Variants in ZNF362 observed in about 807,000 individuals in gnomAD.
The protein encoded by ZNF362 is zinc finger protein 362, also known as rotund homolog.
Under a neutral mutation model 42.9 loss-of-function variants are expected in ZNF362, and 11 were observed. The observed-to-expected ratio is 0.26, with a 90% CI of 0.16 to 0.42. ZNF362 has a LOEUF of 0.42. Ranked by LOEUF, ZNF362 falls within the 20% of genes least tolerant of loss-of-function variation. The pLI, the probability that ZNF362 is intolerant of heterozygous loss-of-function variation, is 1.00. For missense variants in ZNF362, 362 were observed against 576.2 expected, an observed-to-expected ratio of 0.63 and a Z score of 3.81; for synonymous variants, 255 against 257.3, an observed-to-expected ratio of 0.99 and a Z score of 0.09.
At chr1:33,289,864 T>G (rs1436325294) in intron 6 of ZNF362, among the ~76,000 whole-genome samples, 1 of 152,058 alleles carries the variant, frequency 6.6e-6, no homozygotes, top group Non-Finnish European at 1.5e-5. Flanking sequence ...GCCGATGTCT[T>G]TGTTTCCTGC....
At chr1:33,195,172 CA>C in the ZNF362 span, 1 of 152,184 alleles carries the variant, frequency 6.6e-6, no homozygotes, top group African/African-American at 2.4e-5. Flanking sequence ...ACAAATTCTA[CA>C]TTCAGTTAAC....
chr1:33,165,458 C>A, the ZNF362 span: 1 of 1,580,924 alleles, frequency 6.3e-7, no homozygotes, highest in Non-Finnish European at 8.6e-7. This position sits in a 1 kb window ranked among gnomAD's most constrained non-coding sequence, Gnocchi z 4.0. Context: ...CTCCGCGCCC[C>A]GGCCAGGCTC....
intron 1 of ZNF362, among the ~76,000 whole-genome samples, chr1:33,261,919 A>G (rs1645830384): frequency 6.6e-6 from 1 of 152,192 alleles, no homozygotes; most frequent in Non-Finnish European, 1.5e-5. Context: ...TCAATGGGAC[A>G]GTTACTTCTT....
At chr1:33,270,985 T>C (rs1400180784) in intron 2 of ZNF362, among the ~76,000 whole-genome samples, 4 of 152,156 alleles carry the variant, frequency 2.6e-5, no homozygotes, top group Non-Finnish European at 5.9e-5. Flanking sequence ...GCCTCCAGCT[T>C]CAGGCCTCTT....
the ZNF362 span, among the ~76,000 whole-genome samples, chr1:33,178,717 A>G: frequency 1.0e-3 from 153 of 152,390 alleles, 2 homozygotes; most frequent in East Asian, 0.026. Context: ...CAGTGCCCAC[A>G]GCAGGTTTGG....
chr1:33,213,656 C>T, the ZNF362 span, among the ~76,000 whole-genome samples: 1 of 151,998 alleles, frequency 6.6e-6, no homozygotes, highest in Non-Finnish European at 1.5e-5. Context: ...ACCATCCTGG[C>T]CAACATGGTG....
chr1:33,150,260 A>T, the ZNF362 span, among the ~76,000 whole-genome samples: 1 of 152,194 alleles, frequency 6.6e-6, no homozygotes, highest in Admixed American at 6.5e-5. Flanking sequence ...TTACTGGCGA[A>T]GTGGGGACAT....
At chr1:33,209,792 C>T in the ZNF362 span, among the ~76,000 whole-genome samples, 1 of 152,138 alleles carries the variant, frequency 6.6e-6, no homozygotes, top group South Asian at 2.1e-4. Context: ...TTTTTTATTG[C>T]ATCTATTTGA....
At chr1:33,173,037 C>T in the ZNF362 span, among the ~76,000 whole-genome samples, 1 of 152,200 alleles carries the variant, frequency 6.6e-6, no homozygotes, top group Non-Finnish European at 1.5e-5. Context: ...CTCTCTTTCC[C>T]TCTCTGACCC....
chr1:33,175,031 T>TATGTATATGTATATGTATATGTA, the ZNF362 span, among the ~76,000 whole-genome samples: 1,675 of 147,130 alleles, frequency 0.011, 37 homozygotes, highest in African/African-American at 0.029. Context: ...ATGTATATGT[T>TATGTATATGTATATGTATATGTA]TATGTATATG....
chr1:33,250,838 GA>G, the ZNF362 span, among the ~76,000 whole-genome samples: 1 of 141,614 alleles, frequency 7.1e-6, no homozygotes, highest in South Asian at 2.3e-4. Context: ...AAAAGAAGAA[GA>G]AAGAAGAAAG....
At chr1:33,259,843 A>G (rs558652832) in intron 1 of ZNF362, among the ~76,000 whole-genome samples, 3 of 152,298 alleles carry the variant, frequency 2.0e-5, no homozygotes, top group African/African-American at 7.2e-5. Flanking sequence ...AGTTCCATAA[A>G]CCATCACAGT....
the ZNF362 span, among the ~76,000 whole-genome samples, chr1:33,185,794 G>A: frequency 2.8e-4 from 42 of 151,858 alleles, 1 homozygote; most frequent in Non-Finnish European, 4.6e-4. Context: ...AGCTATCCAA[G>A]AGCTATTGTT....
At chr1:33,262,980 C>T (rs1438696393) in intron 1 of ZNF362, among the ~76,000 whole-genome samples, 4 of 152,248 alleles carry the variant, frequency 2.6e-5, no homozygotes, top group East Asian at 1.9e-4. Context: ...GTGCACTCTC[C>T]TGGGAAACAG....
At chr1:33,236,550 A>AAAAAATATATATATAT in the ZNF362 span, among the ~76,000 whole-genome samples, 6 of 5,980 alleles carry the variant, frequency 1.0e-3, no homozygotes, top group Non-Finnish European at 1.5e-3. Context: ...AAAAAAAAAA[A>AAAAAATATATATATAT]ATATATATAT....
At chr1:33,168,603 C>T in the ZNF362 span, among the ~76,000 whole-genome samples, 1 of 152,250 alleles carries the variant, frequency 6.6e-6, no homozygotes, top group South Asian at 2.1e-4. Flanking sequence ...CGCACCCCAT[C>T]TGACTGCAGC....
chr1:33,193,004 C>CATATATATATATAT, the ZNF362 span, among the ~76,000 whole-genome samples: 1 of 137,200 alleles, frequency 7.3e-6, no homozygotes, highest in Non-Finnish European at 1.6e-5. Context: ...CACACACACA[C>CATATATATATATAT]ATATATATAT....
intron 1 of ZNF362, among the ~76,000 whole-genome samples, chr1:33,268,733 G>A (rs149698102): frequency 6.6e-6 from 1 of 152,316 alleles, no homozygotes; most frequent in East Asian, 1.9e-4. Flanking sequence ...ACTGTGAGAT[G>A]TTCAGTCTGG....
At chr1:33,255,100 TCTGTGCCAGGCA>T (rs1645778345), upstream of ZNF362, among the ~76,000 whole-genome samples, 2 of 152,352 alleles carry the variant, frequency 1.3e-5, no homozygotes, top group South Asian at 4.1e-4. Context: ...GTGCCCCTGC[TCTGTGCCAGGCA>T]CTGTGCTTGG....
Sources: gnomAD v4.1 joint callset for allele counts (sites outside exome capture counted in the v4.1 genomes callset) on GRCh38, gnomAD v4.1.1 for gene constraint, Gnocchi (gnomAD v3.1) non-coding constraint, MANE v1.5 for transcripts, NCBI Gene and HGNC (gene_info 2026-07-23, HGNC 2026-07-21) for gene names.